Variants in ARHGEF26 observed in about 807,000 individuals in gnomAD.
ARHGEF26 encodes Rho guanine nucleotide exchange factor 26, also known as Rho guanine nucleotide exchange factor (GEF) 26.
A neutral mutation model predicts 89.4 loss-of-function variants in ARHGEF26; 59 were observed. The ratio of observed to expected loss-of-function variants is 0.66; its 90% CI spans 0.54 to 0.82. ARHGEF26 has a LOEUF of 0.82. Ranked by LOEUF, ARHGEF26 falls within the 40% of genes least tolerant of loss-of-function variation. The pLI is 0.00. For missense variants in ARHGEF26, 1,234 were observed against 1,085.6 expected (o/e 1.14, Z -1.92); for synonymous variants, 500 against 428.4 (o/e 1.17, Z -2.06).
intron 10 of ARHGEF26, among the ~76,000 whole-genome samples, chr3:154,224,560 G>A (rs1716358730): frequency 6.6e-6 from 1 of 152,084 alleles, no homozygotes; most frequent in Non-Finnish European, 1.5e-5. Context: ...CTGTAATTCC[G>A]GCCCTTCAGC....
In ARHGEF26 at chr3:154,256,109, A is replaced by T. The variant is rs36086140; in HGVS notation, c.*636A>T. On this transcript the variant is annotated 3_prime_UTR_variant, in exon 15 of 15. Transcript: ENST00000465093. ...TAGAAAGCCTTACTTTAGGATTTTT[A>T]AAAAAAAATCCATCTCACCCCATAT... 0.042 allele frequency: 39,787 copies of T among 952,438 alleles called. 852 individuals carry two copies. The highest frequency in any genetic ancestry group is 0.058 in the Middle Eastern group (107 of 1,856). The allele number at this position is 952,438 out of a possible 1,614,324, so 59.0% of individuals were successfully genotyped here.
intron 10 of ARHGEF26, among the ~76,000 whole-genome samples, chr3:154,219,908 C>T (rs888469064): frequency 3.0e-4 from 24 of 80,560 alleles, no homozygotes; most frequent in African/African-American, 9.1e-4. Flanking sequence ...AGCGAGACTC[C>T]GTCTCAAAAA....
chr3:154,239,263 A>AGG (rs1559920426), intron 11 of ARHGEF26, among the ~76,000 whole-genome samples: 121 of 100,520 alleles, frequency 1.2e-3, no homozygotes, highest in African/African-American at 5.0e-3. Context: ...AGAGAGAGGG[A>AGG]GAGAGAGAGA....
At chr3:154,183,555 C>T (rs1235311122) in intron 6 of ARHGEF26, among the ~76,000 whole-genome samples, 1 of 152,102 alleles carries the variant, frequency 6.6e-6, no homozygotes, top group African/African-American at 2.4e-5. Flanking sequence ...GAAATCATAC[C>T]TCATTTTTTA....
In ARHGEF26 at chr3:154,251,329, A is replaced by G. The variant is rs562792967; in HGVS notation, c.2301-1787A>G. 5.3e-5 allele frequency among the ~76,000 whole-genome samples: 8 copies of G among 152,358 alleles called. No individual in the cohort carries two copies. The South Asian group carries it at 8.3e-4, about 16-fold the overall frequency. On this transcript the variant is annotated intron_variant, in intron 12 of 14. Transcript: ENST00000465093. ...AATTGTTTAGTACCATACCTGACAC[A>G]TAGGTGCTTCAGAATATTATTTAGA...
chr3:154,201,020 C>G, intron 9 of ARHGEF26, among the ~76,000 whole-genome samples: 1 of 151,120 alleles, frequency 6.6e-6, no homozygotes, highest in African/African-American at 2.4e-5. Context: ...TTTTATTATA[C>G]TTTAAGTTTT....
intron 10 of ARHGEF26, among the ~76,000 whole-genome samples, chr3:154,220,290 C>G (rs1301686712): frequency 6.6e-6 from 1 of 152,146 alleles, no homozygotes; most frequent in Non-Finnish European, 1.5e-5. Context: ...ATCATCCCTC[C>G]CCTCATAGTC....
chr3:154,169,113 A>AAAG (rs1712239195), intron 6 of ARHGEF26, among the ~76,000 whole-genome samples: 1 of 152,108 alleles, frequency 6.6e-6, no homozygotes, highest in Non-Finnish European at 1.5e-5. Context: ...GCTCAGATGG[A>AAAG]GGTAAAGTAC....
chr3:154,131,212 T>C (rs1718666371), intron 4 of ARHGEF26, among the ~76,000 whole-genome samples: 1 of 152,154 alleles, frequency 6.6e-6, no homozygotes, highest in African/African-American at 2.4e-5. Flanking sequence ...AGGCCTTATA[T>C]AAATTGAGCA....
intron 4 of ARHGEF26, among the ~76,000 whole-genome samples, chr3:154,130,549 CACTT>C (rs1718626477): frequency 6.6e-6 from 1 of 152,140 alleles, no homozygotes; most frequent in African/African-American, 2.4e-5. Flanking sequence ...CTGTCTCTGA[CACTT>C]AATTTTGTGT....
At chr3:154,189,072 G>A (rs540252298) in intron 7 of ARHGEF26, among the ~76,000 whole-genome samples, 5 of 151,974 alleles carry the variant, frequency 3.3e-5, no homozygotes, top group Admixed American at 2.0e-4. Context: ...ACTCCACCAC[G>A]CCCTGGTGGG....
At chr3:154,128,405 T>G (rs1718465049) in intron 3 of ARHGEF26, among the ~76,000 whole-genome samples, 1 of 152,030 alleles carries the variant, frequency 6.6e-6, no homozygotes, top group African/African-American at 2.4e-5. Flanking sequence ...ACTCGGCTAA[T>G]TTGTTGTATT....
At chr3:154,197,910 C>A (rs949917036) in intron 9 of ARHGEF26, among the ~76,000 whole-genome samples, 3 of 152,064 alleles carry the variant, frequency 2.0e-5, no homozygotes, top group African/African-American at 7.2e-5. Context: ...AATGAATCTT[C>A]CCTGTTATTT....
At chr3:154,230,959 GT>G (rs1173217008) in intron 11 of ARHGEF26, among the ~76,000 whole-genome samples, 4 of 152,054 alleles carry the variant, frequency 2.6e-5, no homozygotes, top group African/African-American at 7.2e-5. Flanking sequence ...GCCTGGTTTG[GT>G]TCCATTTTTT....
At chr3:154,184,804 C>T (rs1477755576) in intron 6 of ARHGEF26, among the ~76,000 whole-genome samples, 1 of 152,202 alleles carries the variant, frequency 6.6e-6, no homozygotes, top group Non-Finnish European at 1.5e-5. Context: ...GCTTCCACAC[C>T]TCCAGTGGTT....
rs1393867052 is a variant in ARHGEF26, at chr3:154,256,784, C to A, written c.*1311C>A. On this transcript the variant is annotated 3_prime_UTR_variant, in exon 15 of 15. Coordinates refer to ENST00000465093, the MANE Select transcript of ARHGEF26 (RefSeq NM_015595.4). ...CTTTTGACCTTAGTGGGAATTCATT[C>A]TATTTGCACTAAAAGCCTTAACTTG... The A allele has an allele frequency of 2.7e-6, 4 of 1,475,980 alleles. No individual in the cohort carries two copies. The East Asian group carries it at 7.6e-5, about 28-fold the overall frequency. The allele number at this position is 1,475,980 out of a possible 1,614,324, so 91.4% of individuals were successfully genotyped here.
intron 6 of ARHGEF26, among the ~76,000 whole-genome samples, chr3:154,168,097 T>A (rs1309154046): frequency 6.6e-6 from 1 of 152,224 alleles, no homozygotes. Flanking sequence ...ATTAATAAAC[T>A]ACTTCCATGG....
Position 154,122,337 on chromosome 3 carries a change from G to T in ARHGEF26, c.345G>T (p.Lys115Asn). The stretch of plus-strand genomic sequence containing the variant: ...GACTTCGACGGCCCAAGTCACCCAA[G>T]CTCCCCAAAGCGGTGCCTGGCGGCT... ...SPRLRRPKSP[K>N]LPKAVPGGSP... Residue 115 changes from lysine (K) to asparagine (N), a missense_variant, in exon 2 of 15, where the codon AAG becomes AAT. Lys to Asn is a moderately conservative substitution (Grantham distance 94, BLOSUM62 0). Coordinates refer to ENST00000465093, the MANE Select transcript of ARHGEF26 (RefSeq NM_015595.4). 1 of 1,612,710 alleles carries T rather than the reference G, an allele frequency of 6.2e-7. No individual in the cohort carries two copies. Among genetic ancestry groups the T allele is most frequent in the Non-Finnish European group, 8.5e-7 (1 of 1,179,794 alleles).
At chr3:154,182,939 T>TA (rs1049782285) in intron 6 of ARHGEF26, among the ~76,000 whole-genome samples, 25 of 152,116 alleles carry the variant, frequency 1.6e-4, no homozygotes, top group African/African-American at 2.4e-4. Flanking sequence ...ACAAAAGACC[T>TA]AAAAAAAATC....
Sources: allele counts gnomAD v4.1 joint callset (sites outside exome capture counted in the v4.1 genomes callset), GRCh38; gene constraint gnomAD v4.1.1; transcripts MANE v1.5; gene names NCBI Gene and HGNC (gene_info 2026-07-23, HGNC 2026-07-21).